Variants in TCF21 observed in about 807,000 individuals in gnomAD.
The protein encoded by TCF21 is capsulin.
A neutral mutation model predicts 13.5 loss-of-function variants in TCF21; 3 were observed. The ratio of observed to expected loss-of-function variants is 0.22; its 90% confidence interval spans 0.10 to 0.57. TCF21 has a LOEUF of 0.57. Among genes scored for constraint, TCF21 ranks in the 20% least tolerant of loss-of-function variants. The pLI is 0.92. For synonymous variants in TCF21, 92 were observed against 101.7 expected, an observed-to-expected ratio of 0.90 and a Z score of 0.57; for missense variants, 181 against 238.4, an observed-to-expected ratio of 0.76 and a Z score of 1.59.
rs761203427 is a variant in TCF21 at position 133,889,724 on chromosome 6, G to A, written c.327G>A (p.Val109=). The A allele has an allele frequency of 1.9e-6, 3 of 1,613,514 alleles. No homozygotes were observed. In the South Asian group the frequency reaches 3.3e-5, roughly 18 times the overall value. ...GACTCAAGACCACCCTGCCCTGGGT[G>A]CCCCCCGACACCAAGCTCTCCAAGC... ...FSRLKTTLPW[V]PPDTKLSKLD... is the part of the protein sequence containing the mutation. The change falls in exon 1 of 2, where the codon GTG becomes GTA. Residue 109 remains valine (V), a synonymous_variant. Transcript: ENST00000367882. This position sits in a 1 kb window ranked among gnomAD's most constrained non-coding sequence, Gnocchi z 5.1.
intron 1 of TCF21, among the ~76,000 whole-genome samples, chr6:133,890,327 G>A (rs1583771177): frequency 6.6e-6 from 1 of 152,086 alleles, no homozygotes; most frequent in Non-Finnish European, 1.5e-5. Context: ...AGCATATTTA[G>A]GACCATTGGA....
At position 133,889,355 on chromosome 6, in the gene TCF21, C is replaced by T. The variant is rs200552219; in HGVS notation, c.-43C>T. 7 of 1,543,488 alleles carry T rather than the reference C, an allele frequency of 4.5e-6. No individual in the cohort carries two copies. Among genetic ancestry groups the T allele is most frequent in the Non-Finnish European group, 6.2e-6 (7 of 1,125,480 alleles). ...ACCCTCTTCCTCGCTTTCTCTGTCT[C>T]TCTGTCTCTCTCTCTCTCTCTCCCT... is the stretch of plus-strand genomic sequence containing the variant. On this transcript the variant is annotated 5_prime_UTR_variant, in exon 1 of 2. Coordinates refer to ENST00000367882, the MANE Select transcript of TCF21 (RefSeq NM_003206.4). The surrounding 1 kb of genome is among the most constrained non-coding windows in gnomAD (Gnocchi z 5.1).
At chr6:133,890,840 T>C (rs1172750741) in intron 1 of TCF21, among the ~76,000 whole-genome samples, 1 of 152,228 alleles carries the variant, frequency 6.6e-6, no homozygotes, top group East Asian at 1.9e-4. Flanking sequence ...AATTGGTTTC[T>C]GGAATTGCTG....
At chr6:133,894,605 A>G (rs1184468840), downstream of TCF21, 4 of 153,172 alleles carry the variant, frequency 2.6e-5, no homozygotes, top group African/African-American at 9.6e-5. Context: ...CCCATTCCAG[A>G]TCATCAGCAC....
chr6:133,891,983 T>C lies in TCF21; in HGVS notation c.*181T>C. ...TCGTTTCCAAACCAGAGGAGATCAATTGTACTTACAAAGATTCCCATCTAT... is the reference window on the plus strand; with the variant it reads ...TCGTTTCCAAACCAGAGGAGATCAACTGTACTTACAAAGATTCCCATCTAT... On this transcript the variant is annotated 3_prime_UTR_variant, in exon 2 of 2. Coordinates refer to ENST00000367882, the MANE Select transcript of TCF21 (RefSeq NM_003206.4). The C allele has an allele frequency of 3.3e-6, 2 of 607,598 alleles. No homozygotes were observed. Among genetic ancestry groups the C allele is most frequent in the Admixed American group, 3.0e-5 (1 of 33,770 alleles). The allele number at this position is 607,598 out of a possible 1,614,324, so 37.6% of individuals were successfully genotyped here.
intron 1 of TCF21, among the ~76,000 whole-genome samples, chr6:133,890,783 C>G (rs1465264099): frequency 6.6e-6 from 1 of 152,130 alleles, no homozygotes; most frequent in African/African-American, 2.4e-5. Flanking sequence ...GTCTTATCAG[C>G]TAGCACTAGA....
chr6:133,893,493 A>C (rs1250534020), downstream of TCF21: 1 of 152,160 alleles, frequency 6.6e-6, no homozygotes, highest in African/African-American at 2.4e-5. Flanking sequence ...AACACATTTC[A>C]AGCTCTGGCC....
downstream of TCF21, chr6:133,892,482 C>A (rs941938202): frequency 6.6e-6 from 1 of 152,112 alleles, no homozygotes; most frequent in Non-Finnish European, 1.5e-5. Context: ...AATTATATAA[C>A]TGAAAACAAA....
chr6:133,891,872 C>G lies in TCF21; in HGVS notation c.*70C>G. The G allele has an allele frequency of 6.6e-7, 1 of 1,504,246 alleles. No homozygotes were observed. The highest frequency in any genetic ancestry group is 9.2e-7 in the Non-Finnish European group (1 of 1,091,234). The allele number at this position is 1,504,246 out of a possible 1,614,324, so 93.2% of individuals were successfully genotyped here. On this transcript the variant is annotated 3_prime_UTR_variant, in exon 2 of 2. Transcript: ENST00000367882. ...GGGCCCCGGGAAGGCGACCCCTGCC[C>G]TCAGTGCTCTCTGTCTCTGCTTCCC...
At chr6:133,894,962 A>G (rs138169502), downstream of TCF21, 579 of 152,328 alleles carry the variant, frequency 3.8e-3, 15 homozygotes, top group East Asian at 0.018. Flanking sequence ...AAGTTCTCAG[A>G]AGCAGACAGA....
downstream of TCF21, chr6:133,893,607 T>G (rs777742707): frequency 6.6e-6 from 1 of 152,198 alleles, no homozygotes; most frequent in Non-Finnish European, 1.5e-5. Flanking sequence ...CCCAGTGTGA[T>G]TCAATTGATT....
rs371711846 is a variant in TCF21 at position 133,889,857 on chromosome 6, C to T, written c.450+10C>T. ...TCACCCGGTCAACCTGGTGAGTGCT[C>T]CCGGGGCTGCAGCTGCAGTCCAGGC... On this transcript the variant is annotated intron_variant, in intron 1 of 1. Transcript: ENST00000367882. The surrounding 1 kb of genome is among the most constrained non-coding windows in gnomAD (Gnocchi z 5.1). 125 of 1,612,466 alleles carry T rather than the reference C, an allele frequency of 7.8e-5. No individual in the cohort carries two copies. The highest frequency in any genetic ancestry group is 1.0e-4 in the Non-Finnish European group (122 of 1,179,726).
downstream of TCF21, chr6:133,893,804 T>C (rs1461403913): frequency 6.6e-6 from 1 of 152,180 alleles, no homozygotes; most frequent in Non-Finnish European, 1.5e-5. Flanking sequence ...TCCCTACCAA[T>C]AATTTGAAGC....
Position 133,891,878 on chromosome 6 carries a change from GCT to G in TCF21, c.*81_*82del. 1.4e-6 allele frequency: 2 copies of G among 1,479,482 alleles called. No individual in the cohort carries two copies. The highest frequency in any genetic ancestry group is 1.9e-6 in the Non-Finnish European group (2 of 1,071,512). The allele number at this position is 1,479,482 out of a possible 1,614,324, so 91.6% of individuals were successfully genotyped here. ...CGGGAAGGCGACCCCTGCCCTCAGT[GCT>G]CTCTGTCTCTGCTTCCCCCTCGCAA... On this transcript the variant is annotated 3_prime_UTR_variant, in exon 2 of 2. Transcript: ENST00000367882.
rs1023902390 is a variant in TCF21, at chr6:133,889,118, T to G, written c.-280T>G. ...TAGTGTCCACCAAATTCCTCAGCGC[T>G]CGCTCACCCTCCTCTACGGCCACGA... On this transcript the variant is annotated 5_prime_UTR_variant, in exon 1 of 2. Transcript: ENST00000367882. This position sits in a 1 kb window ranked among gnomAD's most constrained non-coding sequence, Gnocchi z 5.1. 16 of 519,596 alleles carry G rather than the reference T, an allele frequency of 3.1e-5. No homozygotes were observed. Among genetic ancestry groups the G allele is most frequent in the Non-Finnish European group, 5.2e-5 (15 of 287,136 alleles). 32.2% of individuals were successfully genotyped at this position (519,596 alleles called of 1,614,324 possible). A position where few individuals can be genotyped will look rare whatever the true frequency, so the allele number is the denominator to read the frequency against.
downstream of TCF21, chr6:133,894,183 G>T (rs1260787365): frequency 6.6e-6 from 1 of 152,134 alleles, no homozygotes; most frequent in Non-Finnish European, 1.5e-5. Flanking sequence ...TCCAGGCAAT[G>T]ATCTTTTTTT....
Position 133,891,842 on chromosome 6 carries a change from G to C in TCF21, c.*40G>C, listed in dbSNP as rs775406576. The C allele has an allele frequency of 2.9e-5, 46 of 1,608,168 alleles. No homozygotes were observed. The highest frequency in any genetic ancestry group is 4.0e-5 in the African/African-American group (3 of 74,688). On this transcript the variant is annotated 3_prime_UTR_variant, in exon 2 of 2. Transcript: ENST00000367882. ...GTCTGGGAAAGGCGCGCTCCCGGGG[G>C]GAGCGGGCCCCGGGAAGGCGACCCC...
At chr6:133,893,648 C>T (rs933156063), downstream of TCF21, 1 of 152,248 alleles carries the variant, frequency 6.6e-6, no homozygotes, top group Admixed American at 6.5e-5. Context: ...TTTCCAATCT[C>T]CCACTCACGT....
chr6:133,895,272 T>TG (rs1775283799), downstream of TCF21: 1 of 152,166 alleles, frequency 6.6e-6, no homozygotes, highest in Non-Finnish European at 1.5e-5. Flanking sequence ...GAGTCTGAAG[T>TG]GGGGCCCCAG....
Sources: allele counts gnomAD v4.1 joint callset (sites outside exome capture counted in the v4.1 genomes callset), GRCh38; gene constraint gnomAD v4.1.1; non-coding constraint Gnocchi (gnomAD v3.1); transcripts MANE v1.5; gene names NCBI Gene and HGNC (gene_info 2026-07-23, HGNC 2026-07-21).